The following DTNA variants were observed in gnomAD, a reference collection of about 807,000 sequenced individuals.
DTNA encodes the protein dystrobrevin alpha, also known as dystrophin-related protein 3.
Under a neutral mutation model 100.7 loss-of-function variants are expected in DTNA, and 43 were observed. The ratio of observed to expected loss-of-function variants is 0.43; its 90% CI spans 0.33 to 0.55. The LOEUF (loss-of-function observed/expected upper bound fraction) is 0.55, where lower values mean the gene tolerates loss of function less well. Among genes scored for constraint, DTNA ranks in the 20% least tolerant of loss-of-function variants. The pLI is 0.04. For missense variants in DTNA, 798 were observed against 953.9 expected, an observed-to-expected ratio of 0.84 and a Z score of 2.15; for synonymous variants, 349 against 347.9, an observed-to-expected ratio of 1.00 and a Z score of -0.04.
intron 1 of DTNA, among the ~76,000 whole-genome samples, chr18:34,653,385 G>C (rs1417052166): frequency 6.6e-6 from 1 of 151,964 alleles, no homozygotes; most frequent in African/African-American, 2.4e-5. Context: ...AGCAGGTTCT[G>C]TGATTCATAG....
chr18:34,589,291 G>A (rs1357165), intron 1 of DTNA, among the ~76,000 whole-genome samples: 15,661 of 151,928 alleles, frequency 0.1, 1,174 homozygotes, highest in African/African-American at 0.21. Flanking sequence ...TTAATATTCC[G>A]TTGTTTCCTA....
chr18:34,592,707 A>T (rs1377455878), intron 1 of DTNA, among the ~76,000 whole-genome samples: 1 of 152,050 alleles, frequency 6.6e-6, no homozygotes, highest in Non-Finnish European at 1.5e-5. Context: ...AGGCGGCATG[A>T]TGATTTCCTC....
At chr18:34,616,455 A>G (rs545478857) in intron 1 of DTNA, among the ~76,000 whole-genome samples, 1 of 152,284 alleles carries the variant, frequency 6.6e-6, no homozygotes, top group South Asian at 2.1e-4. Context: ...TTTGCAAACT[A>G]TGCATATGAC....
At chr18:34,586,070 C>A (rs941592160) in intron 1 of DTNA, among the ~76,000 whole-genome samples, 1 of 152,136 alleles carries the variant, frequency 6.6e-6, no homozygotes, top group Non-Finnish European at 1.5e-5. Flanking sequence ...CCTGTTACTG[C>A]TAAAGGAGCT....
chr18:34,843,191 T>C (rs530562170), intron 13 of DTNA, among the ~76,000 whole-genome samples: 1 of 152,248 alleles, frequency 6.6e-6, no homozygotes, highest in South Asian at 2.1e-4. Context: ...AAATTGAACA[T>C]TTAGTATAGG....
chr18:34,847,041 A>T (rs150707657), intron 13 of DTNA, among the ~76,000 whole-genome samples: 131 of 152,336 alleles, frequency 8.6e-4, no homozygotes, highest in African/African-American at 2.9e-3. Context: ...TTCTGAACTG[A>T]TACATACCAC....
intron 1 of DTNA, among the ~76,000 whole-genome samples, chr18:34,576,659 A>G (rs1353813305): frequency 1.3e-5 from 2 of 152,050 alleles, no homozygotes; most frequent in Non-Finnish European, 2.9e-5. Flanking sequence ...GGGTTTCACT[A>G]TGTTGCCCAG....
At chr18:34,872,947 C>T (rs1159466142) in intron 17 of DTNA, among the ~76,000 whole-genome samples, 2 of 152,206 alleles carry the variant, frequency 1.3e-5, no homozygotes, top group Non-Finnish European at 2.9e-5. Flanking sequence ...CTCTGCCATT[C>T]TCTTGCTCAG....
chr18:34,579,494 C>G (rs1001716725), intron 1 of DTNA, among the ~76,000 whole-genome samples: 1 of 152,292 alleles, frequency 6.6e-6, no homozygotes, highest in South Asian at 2.1e-4. Context: ...AAAATAAACA[C>G]TCTCAACCTT....
chr18:34,756,554 A>T (rs377579867), intron 2 of DTNA, among the ~76,000 whole-genome samples: 12 of 152,210 alleles, frequency 7.9e-5, no homozygotes, highest in African/African-American at 2.9e-4. Context: ...GACCTCATGT[A>T]GAAAAGGAGA....
At chr18:34,740,637 T>TA (rs1338996455) in intron 1 of DTNA, among the ~76,000 whole-genome samples, 1 of 151,884 alleles carries the variant, frequency 6.6e-6, no homozygotes, top group African/African-American at 2.4e-5. Flanking sequence ...GAAAAAACTT[T>TA]AAAAAATAAA....
At chr18:34,536,926 C>A (rs1170038424) in intron 1 of DTNA, among the ~76,000 whole-genome samples, 1 of 151,838 alleles carries the variant, frequency 6.6e-6, no homozygotes, top group Non-Finnish European at 1.5e-5. Context: ...ATACAGGTAT[C>A]TTTGTTGAGG....
At chr18:34,675,025 A>T (rs1196777406) in intron 1 of DTNA, among the ~76,000 whole-genome samples, 1 of 152,170 alleles carries the variant, frequency 6.6e-6, no homozygotes, top group Non-Finnish European at 1.5e-5. Context: ...TACCTTGTTC[A>T]ACTTCAGAGG....
upstream of DTNA, among the ~76,000 whole-genome samples, chr18:34,707,791 G>T (rs1736608116): frequency 6.6e-6 from 1 of 152,186 alleles, no homozygotes; most frequent in Admixed American, 6.5e-5. Flanking sequence ...TTCATCAACT[G>T]TTTTGAAGAG....
intron 1 of DTNA, among the ~76,000 whole-genome samples, chr18:34,535,582 A>G (rs1438039348): frequency 6.6e-6 from 1 of 151,910 alleles, no homozygotes; most frequent in Non-Finnish European, 1.5e-5. Flanking sequence ...CTATGTCCTG[A>G]GTGATATTGC....
At chr18:34,585,854 C>T (rs2049081390) in intron 1 of DTNA, among the ~76,000 whole-genome samples, 1 of 152,144 alleles carries the variant, frequency 6.6e-6, no homozygotes, top group South Asian at 2.1e-4. Context: ...TTAAGCTCTA[C>T]AGTTTTGTGT....
intron 1 of DTNA, among the ~76,000 whole-genome samples, chr18:34,557,650 G>A (rs1394130122): frequency 1.3e-5 from 2 of 151,622 alleles, no homozygotes; most frequent in African/African-American, 4.9e-5. Context: ...GTGTGCCCCT[G>A]CTGGGGGGGT....
chr18:34,565,102 T>C (rs2046972061), intron 1 of DTNA, among the ~76,000 whole-genome samples: 1 of 152,194 alleles, frequency 6.6e-6, no homozygotes. Flanking sequence ...TTAAAAGTCA[T>C]ACAAATGAAA....
chr18:34,868,466 A>G, intron 17 of DTNA: 5 of 985,042 alleles, frequency 5.1e-6, no homozygotes, highest in Non-Finnish European at 6.0e-6. Context: ...TAAGGAGAGA[A>G]TTTAGAGGTT....
Sources: gnomAD v4.1 joint callset for allele counts (sites outside exome capture counted in the v4.1 genomes callset) on GRCh38, gnomAD v4.1.1 for gene constraint, MANE v1.5 for transcripts, NCBI Gene and HGNC (gene_info 2026-07-23, HGNC 2026-07-21) for gene names.